CYP3A5: variants seen among roughly 807,000 people sequenced by gnomAD.
CYP3A5 encodes the protein cytochrome P450 family 3 subfamily A member 5.
A neutral mutation model predicts 55.9 loss-of-function variants in CYP3A5; 51 were observed. That is an observed-to-expected ratio of 0.91 (90% CI 0.73 to 1.15). The LOEUF is 1.15. Ranked by LOEUF, CYP3A5 falls within the 50% of genes most tolerant of loss-of-function variation. The probability of loss-of-function intolerance (pLI) is 0.00; values close to 1 mark genes in which losing one functional copy is unlikely to be tolerated. For synonymous variants in CYP3A5, 196 were observed against 213.9 expected, an observed-to-expected ratio of 0.92 and a Z score of 0.73; for missense variants, 533 against 596.6, an observed-to-expected ratio of 0.89 and a Z score of 1.11.
chr7:99,665,748 C>T (rs1810941571), intron 6 of CYP3A5, among the ~76,000 whole-genome samples: 1 of 152,224 alleles, frequency 6.6e-6, no homozygotes, highest in Admixed American at 6.5e-5. Context: ...GCCAATTCCT[C>T]TTCAACACTT....
At chr7:99,665,494 G>A (rs1041870040) in intron 6 of CYP3A5, among the ~76,000 whole-genome samples, 180 bp from the exon 7 acceptor site, 4 of 152,224 alleles carry the variant, frequency 2.6e-5, no homozygotes, top group Non-Finnish European at 5.9e-5. Context: ...TGCCAGTGAT[G>A]GAGCTGGCCC....
In CYP3A5 at chr7:99,676,281, G is replaced by A. The variant is rs1469877351; in HGVS notation, c.72-73C>T. 3.7e-6 allele frequency: 6 copies of A among 1,604,254 alleles called. No individual in the cohort carries two copies. In the African/African-American group the frequency reaches 6.7e-5, roughly 18 times the overall value. On this transcript the variant is annotated intron_variant, in intron 1 of 12. Transcript: ENST00000222982. ...ATCAGAGGGCTGGTGAGTTACTCAG[G>A]AACTGGAATGGTCAAGAGAGGGAGG...
chr7:99,660,444 G>T (rs1034714889), intron 10 of CYP3A5, 55 bp downstream of exon 10: 2 of 1,527,166 alleles, frequency 1.3e-6, no homozygotes, highest in Non-Finnish European at 1.8e-6. Flanking sequence ...TGGTGAGGAG[G>T]CATTTTTGCT....
At chr7:99,679,573 C>A (rs1417589040) in intron 1 of CYP3A5, among the ~76,000 whole-genome samples, 1 of 152,184 alleles carries the variant, frequency 6.6e-6, no homozygotes, top group African/African-American at 2.4e-5. Flanking sequence ...CTAATCAAAT[C>A]ATTCCCACTA....
chr7:99,651,891 C>A (rs950546229), intron 11 of CYP3A5, among the ~76,000 whole-genome samples: 3 of 152,096 alleles, frequency 2.0e-5, no homozygotes, highest in Non-Finnish European at 4.4e-5. Flanking sequence ...ACAGATAGGA[C>A]CAGGAGGACC....
At position 99,652,613 on chromosome 7, in the gene CYP3A5, G is replaced by T. The variant is rs28365083; in HGVS notation, c.1193C>A (p.Thr398Asn). ...CTTTGGGTCATGGTGAAGAGCATAA[G>T]TTGGAATCACCACCATTGACCCTTT... ...IPKGSMVVIP[T>N]YALHHDPKYW... is the part of the protein sequence containing the mutation. The change falls in exon 11 of 13, where the codon ACT (threonine) becomes AAT (asparagine). Residue 398 changes from threonine to asparagine, a missense_variant. Coordinates refer to ENST00000222982, the MANE Select transcript of CYP3A5 (RefSeq NM_000777.5). 7,259 of 1,614,026 alleles carry T rather than the reference G, an allele frequency of 4.5e-3. 23 individuals are homozygous for T. Among genetic ancestry groups the T allele is most frequent in the Non-Finnish European group, 5.8e-3 (6,832 of 1,179,938 alleles).
At chr7:99,658,408 C>T (rs1562989617) in intron 10 of CYP3A5, among the ~76,000 whole-genome samples, 1 of 152,116 alleles carries the variant, frequency 6.6e-6, no homozygotes, top group African/African-American at 2.4e-5. Context: ...TGAATATTGG[C>T]CCCCACTCTC....
chr7:99,669,017 G>T (rs1811315508), intron 4 of CYP3A5, among the ~76,000 whole-genome samples: 1 of 152,098 alleles, frequency 6.6e-6, no homozygotes, highest in South Asian at 2.1e-4. Flanking sequence ...CTTGCTTTCT[G>T]TTCTATTTTC....
Position 99,660,624 on chromosome 7 carries a change from T to G in CYP3A5, c.901A>C (p.Ile301Leu). Residue 301 changes from isoleucine to leucine, a missense_variant, in exon 10 of 13, where the codon ATC becomes CTC. Ile to Leu is a conservative substitution (Grantham distance 5, BLOSUM62 2). Coordinates refer to ENST00000222982, the MANE Select transcript of CYP3A5 (RefSeq NM_000777.5). ...GTTTCATAGCCAGCAAAAATGAAGATTATTGACTGGGCTGCGAGCTCCAGA... is the reference window on the plus strand; with the variant it reads ...GTTTCATAGCCAGCAAAAATGAAGAGTATTGACTGGGCTGCGAGCTCCAGA... ...SDLELAAQSI[I>L]FIFAGYETTS... 1 of 1,613,878 alleles carries G rather than the reference T, an allele frequency of 6.2e-7. No homozygotes were observed. Among genetic ancestry groups the G allele is most frequent in the Non-Finnish European group, 8.5e-7 (1 of 1,179,908 alleles).
intron 1 of CYP3A5, among the ~76,000 whole-genome samples, chr7:99,679,429 T>G (rs1476624612): frequency 1.3e-5 from 2 of 151,974 alleles, no homozygotes; most frequent in Admixed American, 1.3e-4. Context: ...GAGACAAAAA[T>G]GCAAGCCACT....
intron 5 of CYP3A5, 78 bp downstream of exon 5, chr7:99,666,868 TGGAAAC>T: frequency 6.3e-7 from 1 of 1,593,136 alleles, no homozygotes. Context: ...GACTACCCCT[TGGAAAC>T]GGACTGTGAT....
intron 2 of CYP3A5, 57 bp from the exon 3 acceptor site, chr7:99,674,642 C>T: frequency 6.8e-7 from 1 of 1,470,260 alleles, no homozygotes; most frequent in Admixed American, 1.7e-5. Context: ...TAAACCCTAC[C>T]TCTAATTGGG....
At chr7:99,671,898 C>T (rs1811679405) in intron 4 of CYP3A5, 1 of 701,146 alleles carries the variant, frequency 1.4e-6, no homozygotes, top group African/African-American at 1.7e-5. Flanking sequence ...TGAAAAATTG[C>T]TTAGAACTAC....
chr7:99,654,980 C>T (rs554086473), intron 10 of CYP3A5, among the ~76,000 whole-genome samples: 1 of 152,122 alleles, frequency 6.6e-6, no homozygotes, highest in South Asian at 2.1e-4. Context: ...GGATATTAGC[C>T]CTTTGTCAGA....
Position 99,668,930 on chromosome 7 carries a change from T to C in CYP3A5, c.319-1865A>G, listed in dbSNP as rs750764686. Among the ~76,000 whole-genome samples, 31 of 152,354 alleles carry C rather than the reference T, an allele frequency of 2.0e-4. 1 individual carries two copies. Among genetic ancestry groups the C allele is most frequent in the Non-Finnish European group, 3.8e-4 (26 of 68,044 alleles). On this transcript the variant is annotated intron_variant, in intron 4 of 12. Transcript: ENST00000222982. ...AAAACCCAGCAATTATCAATAATATTTCAACCTACCTTTGTAGATGATAGG... is the reference window on the plus strand; with the variant it reads ...AAAACCCAGCAATTATCAATAATATCTCAACCTACCTTTGTAGATGATAGG...
chr7:99,665,151 T>C lies in CYP3A5; in HGVS notation c.670+15A>G. The C allele has an allele frequency of 6.3e-7, 1 of 1,574,824 alleles. No homozygotes were observed. Among genetic ancestry groups the C allele is most frequent in the Non-Finnish European group, 8.6e-7 (1 of 1,157,270 alleles). The stretch of plus-strand genomic sequence containing the variant: ...TTATTTTTAAAAAGAGAGAAAGAAA[T>C]AATAGCCCACATACTTATTGAGAGA... On this transcript the variant is annotated intron_variant, in intron 7 of 12. Transcript: ENST00000222982.
chr7:99,661,871 A>G (rs1050814442), intron 9 of CYP3A5, among the ~76,000 whole-genome samples: 2 of 152,250 alleles, frequency 1.3e-5, no homozygotes, highest in African/African-American at 4.8e-5. Flanking sequence ...ACATGTGGCT[A>G]TTTAAATTCA....
At chr7:99,679,244 G>A in intron 1 of CYP3A5, among the ~76,000 whole-genome samples, 1 of 152,154 alleles carries the variant, frequency 6.6e-6, no homozygotes, top group African/African-American at 2.4e-5. Flanking sequence ...CAGGGGCATG[G>A]CACAGGAAAG....
chr7:99,652,197 G>A (rs1302188889), intron 11 of CYP3A5: 2 of 148,922 alleles, frequency 1.3e-5, no homozygotes, highest in East Asian at 1.9e-4. Flanking sequence ...ACATATATAT[G>A]TATATTTATA....
Sources: allele counts gnomAD v4.1 joint callset (sites outside exome capture counted in the v4.1 genomes callset), GRCh38; gene constraint gnomAD v4.1.1; transcripts MANE v1.5; gene names NCBI Gene and HGNC (gene_info 2026-07-23, HGNC 2026-07-21).